The following AKT3 variants were observed in gnomAD, a reference collection of about 807,000 sequenced individuals.
The protein encoded by AKT3 is RAC-gamma serine/threonine-protein kinase.
AKT3 carries 15 observed loss-of-function variants against 65.3 expected under a neutral mutation model. The ratio of observed to expected loss-of-function variants is 0.23; its 90% CI spans 0.15 to 0.35. The LOEUF (loss-of-function observed/expected upper bound fraction) is 0.35. AKT3 is among the 10% of genes least tolerant of loss of function. AKT3 has a pLI of 1.00. For missense variants in AKT3, 243 were observed against 576.5 expected (o/e 0.42, Z 5.92); for synonymous variants, 206 against 183.8 (o/e 1.12, Z -0.98).
chr1:243,813,622 C>G (rs1369404155), intron 2 of AKT3, among the ~76,000 whole-genome samples: 1 of 151,848 alleles, frequency 6.6e-6, no homozygotes, highest in African/African-American at 2.4e-5. Context: ...TGTAAGGACC[C>G]TGGATTTTAA....
intron 9 of AKT3, among the ~76,000 whole-genome samples, chr1:243,568,469 A>G (rs1307413584): frequency 6.6e-6 from 1 of 152,056 alleles, no homozygotes; most frequent in Admixed American, 6.5e-5. Flanking sequence ...ATAATACATC[A>G]TAGAATTTCC....
intron 9 of AKT3, 51 bp from the exon 10 acceptor site, chr1:243,563,899 G>A (rs1311504327): frequency 3.3e-6 from 5 of 1,530,228 alleles, no homozygotes; most frequent in Non-Finnish European, 4.4e-6. Context: ...TCAACAACAT[G>A]AAAATACCAT....
At position 243,850,191 on chromosome 1, in the gene AKT3, C is replaced by T. The variant is rs1460786078; in HGVS notation, c.-264G>A. ...CTGTCCTCCCCCCACCCCACAGAGC[C>T]TCTGGCCTCCTGGAGCCCGGTGCGG... On this transcript the variant is annotated 5_prime_UTR_variant, in exon 1 of 14. Transcript: ENST00000673466. 4 of 158,360 alleles carry T rather than the reference C, an allele frequency of 2.5e-5. No individual in the cohort carries two copies. The highest frequency in any genetic ancestry group is 1.7e-4 in the South Asian group (1 of 5,842). 9.8% of individuals were successfully genotyped at this position (158,360 alleles called of 1,614,324 possible).
intron 6 of AKT3, among the ~76,000 whole-genome samples, chr1:243,626,040 A>G (rs6671475): frequency 0.24 from 36,026 of 152,092 alleles, 4,627 homozygotes; most frequent in African/African-American, 0.33. Flanking sequence ...TGCTGGATTA[A>G]CTTCATGGTC....
chr1:243,678,750 ATG>A (rs1683704988), intron 3 of AKT3, among the ~76,000 whole-genome samples: 1 of 152,118 alleles, frequency 6.6e-6, no homozygotes, highest in African/African-American at 2.4e-5. Context: ...CTCTAAATTC[ATG>A]TCTCTTTTTG....
rs138481358 is a variant in AKT3, at chr1:243,493,128, C to T, written c.*7-4678G>A. On this transcript the variant is annotated intron_variant, in intron 13 of 13. Coordinates refer to the AKT3 transcript ENST00000336199. ...AGGGTCAGGGCCTCCAGACACACAC[C>T]CTGGCCTGTCTTTTGTTTGAGACTG... is the stretch of plus-strand genomic sequence containing the variant. 1.9e-3 allele frequency among the ~76,000 whole-genome samples: 288 copies of T among 151,836 alleles called. 2 individuals are homozygous for T. The Middle Eastern group carries it at 0.027, about 14-fold the overall frequency.
chr1:243,613,056 A>ATT (rs1444243759), intron 8 of AKT3: 14 of 101,716 alleles, frequency 1.4e-4, no homozygotes, highest in African/African-American at 4.1e-4. Flanking sequence ...AAAAAAAAAA[A>ATT]TTATATATAT....
chr1:243,751,170 GAGA>G (rs1276300577), intron 2 of AKT3, among the ~76,000 whole-genome samples: 3 of 151,528 alleles, frequency 2.0e-5, no homozygotes, highest in Non-Finnish European at 4.4e-5. Flanking sequence ...GACTCTGAAA[GAGA>G]AGGACTTCTG....
intron 2 of AKT3, among the ~76,000 whole-genome samples, chr1:243,818,893 A>G (rs1435438217): frequency 6.6e-6 from 1 of 152,140 alleles, no homozygotes. Flanking sequence ...AGGGTGATGC[A>G]ATGGCCCACA....
intron 8 of AKT3, among the ~76,000 whole-genome samples, chr1:243,597,661 T>C (rs998011670): frequency 6.6e-6 from 1 of 152,126 alleles, no homozygotes; most frequent in Non-Finnish European, 1.5e-5. Flanking sequence ...CTACCACACC[T>C]GGCTAATTTT....
intron 6 of AKT3, among the ~76,000 whole-genome samples, chr1:243,635,457 C>A (rs1679906110): frequency 6.6e-6 from 1 of 151,606 alleles, no homozygotes; most frequent in South Asian, 2.1e-4. Flanking sequence ...AAAGAAAAGT[C>A]AACAAAGCCA....
chr1:243,495,861 G>A (rs1667721948), downstream of AKT3, among the ~76,000 whole-genome samples: 1 of 152,154 alleles, frequency 6.6e-6, no homozygotes, highest in South Asian at 2.1e-4. Flanking sequence ...TATCAAACTG[G>A]CTGCCCCTCA....
rs201189866 is a variant in AKT3 at position 243,645,989 on chromosome 1, C to G, written c.333G>C (p.Arg111Ser). The G allele has an allele frequency of 3.1e-6, 5 of 1,613,124 alleles. No homozygotes were observed. Among genetic ancestry groups the G allele is most frequent in the Non-Finnish European group, 4.2e-6 (5 of 1,179,364 alleles). ...TACAATTCATTCTCTCCTCTTCTTGCCTCTGCAGTCTGTCTGCTACAGCCT... is the reference window on the plus strand; with the variant it reads ...TACAATTCATTCTCTCCTCTTCTTGGCTCTGCAGTCTGTCTGCTACAGCCT... ...AIQAVADRLQ[R>S]QEEERMNCSP... is the part of the protein sequence containing the mutation. The change falls in exon 5 of 14, where the codon AGG becomes AGC. Residue 111 changes from arginine (R) to serine (S), a missense_variant. By Grantham distance (110) the Arg-to-Ser change is moderately radical. Transcript: ENST00000673466.
At chr1:243,682,055 C>T (rs1248585370) in intron 3 of AKT3, among the ~76,000 whole-genome samples, 1 of 151,942 alleles carries the variant, frequency 6.6e-6, no homozygotes, top group East Asian at 1.9e-4. Context: ...ACTAGTTACG[C>T]ACAATCCTCT....
In AKT3 at chr1:243,509,616, C is replaced by T. The variant is rs763750543; in HGVS notation, c.1354+2708G>A. On this transcript the variant is annotated intron_variant, in intron 13 of 13. Transcript: ENST00000673466. ...CATCGCATTAGTCAGCCCTGTCCGCCGGCCCTCCACTACACCACCCCTGCA... is the reference window on the plus strand; with the variant it reads ...CATCGCATTAGTCAGCCCTGTCCGCTGGCCCTCCACTACACCACCCCTGCA... Among the ~76,000 whole-genome samples, 4 of 152,256 alleles carry T rather than the reference C, an allele frequency of 2.6e-5. No homozygotes were observed. The Middle Eastern group carries it at 0.01, about 388-fold the overall frequency.
At chr1:243,826,777 G>T (rs1694194967) in intron 2 of AKT3, among the ~76,000 whole-genome samples, 1 of 152,092 alleles carries the variant, frequency 6.6e-6, no homozygotes. Context: ...TGTTGGCTAG[G>T]TTTTCTGTTA....
rs1669236581 is a variant in AKT3 at position 243,500,944 on chromosome 1, A to AGAT, written c.*4302_*4304dup. 2 of 227,736 alleles carry AGAT rather than the reference A, an allele frequency of 8.8e-6. No homozygotes were observed. Among genetic ancestry groups the AGAT allele is most frequent in the Non-Finnish European group, 8.7e-6 (1 of 114,764 alleles). 14.1% of individuals were successfully genotyped at this position (227,736 alleles called of 1,614,324 possible). ...TTTTAATTGTCCTTAATTCTGTTTTAGATATACTGTGAATAAATTATACAA... is the reference window on the plus strand; with the variant it reads ...TTTTAATTGTCCTTAATTCTGTTTTAGATGATATACTGTGAATAAATTATACAA... On this transcript the variant is annotated 3_prime_UTR_variant, in exon 14 of 14. Transcript: ENST00000673466.
intron 2 of AKT3, among the ~76,000 whole-genome samples, chr1:243,725,193 C>T (rs1687136227): frequency 1.3e-5 from 2 of 149,546 alleles, no homozygotes; most frequent in Admixed American, 1.3e-4. Context: ...CGAGCCTTGT[C>T]TTTAAAGAAA....
chr1:243,568,467 T>C (rs927141432), intron 9 of AKT3, among the ~76,000 whole-genome samples: 1 of 151,794 alleles, frequency 6.6e-6, no homozygotes, highest in African/African-American at 2.4e-5. Flanking sequence ...ACATAATACA[T>C]CATAGAATTT....
Sources: gnomAD v4.1 joint callset for allele counts (sites outside exome capture counted in the v4.1 genomes callset) on GRCh38, gnomAD v4.1.1 for gene constraint, MANE v1.5 for transcripts, NCBI Gene and HGNC (gene_info 2026-07-23, HGNC 2026-07-21) for gene names.